RNF150: variants seen among roughly 807,000 people sequenced by gnomAD.
The protein encoded by RNF150 is ring finger protein 150.
In RNF150, 24 loss-of-function variants were observed where a neutral mutation model predicts 39.3. The observed-to-expected ratio is 0.61, with a 90% CI of 0.44 to 0.86. The LOEUF is 0.86. Among genes scored for constraint, RNF150 ranks in the 40% least tolerant of loss-of-function variants. RNF150 has a pLI of 0.00. For synonymous variants in RNF150, 255 were observed against 227.3 expected, an observed-to-expected ratio of 1.12 and a Z score of -1.10; for missense variants, 502 against 587.8, an observed-to-expected ratio of 0.85 and a Z score of 1.51.
chr4:140,873,739 T>C (rs940657403), intron 6 of RNF150, among the ~76,000 whole-genome samples: 17 of 152,206 alleles, frequency 1.1e-4, no homozygotes. Flanking sequence ...TGCAGTGGCA[T>C]GATCTCAGCT....
chr4:141,105,229 C>T (rs1473882523), intron 1 of RNF150, among the ~76,000 whole-genome samples: 1 of 152,054 alleles, frequency 6.6e-6, no homozygotes, highest in Non-Finnish European at 1.5e-5. Context: ...AAGGCTTTTT[C>T]CAAATTGGCC....
At chr4:141,180,408 T>A (rs540202262) in intron 1 of RNF150, among the ~76,000 whole-genome samples, 1 of 152,334 alleles carries the variant, frequency 6.6e-6, no homozygotes, top group South Asian at 2.1e-4. Flanking sequence ...GGTTTCATGC[T>A]ACCCCAGCTA....
chr4:141,028,884 C>G (rs543152625), intron 1 of RNF150, among the ~76,000 whole-genome samples: 3 of 152,098 alleles, frequency 2.0e-5, no homozygotes, highest in Admixed American at 6.5e-5. Flanking sequence ...ATTGAGCTTG[C>G]TTTGATACAA....
chr4:141,144,094 T>C (rs1727163171), intron 1 of RNF150, among the ~76,000 whole-genome samples: 1 of 151,314 alleles, frequency 6.6e-6, no homozygotes, highest in Non-Finnish European at 1.5e-5. Context: ...TGGCTCATAA[T>C]AAACCAAGTA....
At chr4:140,973,905 TA>T (rs1357909169) in intron 1 of RNF150, among the ~76,000 whole-genome samples, 1 of 129,752 alleles carries the variant, frequency 7.7e-6, no homozygotes, top group Admixed American at 7.7e-5. Flanking sequence ...AAAGAAGAGG[TA>T]AAAACAGTAC....
At position 140,977,142 on chromosome 4, in the gene RNF150, C is replaced by T. The variant is rs538951060; in HGVS notation, c.485-9269G>A. On this transcript the variant is annotated intron_variant, in intron 1 of 6. Transcript: ENST00000515673. ...TGGCACAGGGCTTTCCATACAGAAC[C>T]CACTAAGTAGATGTTAACTTTTATT... 3.3e-5 allele frequency among the ~76,000 whole-genome samples: 5 copies of T among 152,232 alleles called. No homozygotes were observed. In the South Asian group the frequency reaches 1.0e-3, roughly 32 times the overall value.
At chr4:141,024,469 A>G (rs1735615935) in intron 1 of RNF150, among the ~76,000 whole-genome samples, 1 of 152,194 alleles carries the variant, frequency 6.6e-6, no homozygotes, top group South Asian at 2.1e-4. Flanking sequence ...AAGTACAAAC[A>G]TCTCAGGGGG....
chr4:140,951,904 A>G (rs1041422551), intron 2 of RNF150, among the ~76,000 whole-genome samples: 2 of 151,784 alleles, frequency 1.3e-5, no homozygotes, highest in African/African-American at 4.9e-5. Context: ...ATAATATTGC[A>G]CCTAATTCAA....
intron 5 of RNF150, among the ~76,000 whole-genome samples, chr4:140,918,484 GGAA>G (rs2111296506): frequency 6.6e-6 from 1 of 152,276 alleles, no homozygotes; most frequent in African/African-American, 2.4e-5. Flanking sequence ...GACTAAACCA[GGAA>G]GAAGTTGAAT....
chr4:141,136,770 A>C (rs553752312), upstream of RNF150, among the ~76,000 whole-genome samples: 2 of 152,344 alleles, frequency 1.3e-5, no homozygotes, highest in East Asian at 3.9e-4. Context: ...TTGGAAAAAA[A>C]CAGAAATTTC....
At chr4:141,199,999 C>A (rs1030953454) in intron 1 of RNF150, among the ~76,000 whole-genome samples, 2 of 151,956 alleles carry the variant, frequency 1.3e-5, no homozygotes, top group Admixed American at 6.6e-5. Flanking sequence ...AGTGCTAAAT[C>A]CAGGTTGACC....
chr4:140,936,266 A>C (rs1251351623), intron 4 of RNF150, among the ~76,000 whole-genome samples: 1 of 152,198 alleles, frequency 6.6e-6, no homozygotes. Context: ...CTTTCTGTTA[A>C]TATATGCATT....
chr4:141,106,271 C>A (rs1392840693), intron 1 of RNF150, among the ~76,000 whole-genome samples: 2 of 152,154 alleles, frequency 1.3e-5, no homozygotes, highest in African/African-American at 4.8e-5. Flanking sequence ...TTGATTATAA[C>A]CTTATTGAAG....
intron 1 of RNF150, among the ~76,000 whole-genome samples, chr4:141,162,506 A>G (rs1160325157): frequency 1.3e-5 from 2 of 151,712 alleles, no homozygotes; most frequent in Non-Finnish European, 2.9e-5. Context: ...TTTGTGGGGG[A>G]CCTCTGGCAA....
At chr4:141,200,952 C>T (rs1026985384) in intron 1 of RNF150, among the ~76,000 whole-genome samples, 2 of 152,060 alleles carry the variant, frequency 1.3e-5, no homozygotes, top group African/African-American at 2.4e-5. Flanking sequence ...AGTTAGGACT[C>T]CTTTGGTTGC....
chr4:140,996,595 T>A (rs956589281), intron 1 of RNF150, among the ~76,000 whole-genome samples: 14 of 152,318 alleles, frequency 9.2e-5, no homozygotes, highest in Admixed American at 1.3e-4. Flanking sequence ...GACAAGAGAA[T>A]AAAATATAGA....
At chr4:141,048,301 AC>A in intron 1 of RNF150, among the ~76,000 whole-genome samples, 1 of 152,348 alleles carries the variant, frequency 6.6e-6, no homozygotes, top group African/African-American at 2.4e-5. Context: ...TGCTGTAAAG[AC>A]AATGAAATGA....
chr4:140,884,265 A>G (rs950375677), intron 6 of RNF150, among the ~76,000 whole-genome samples: 2 of 152,156 alleles, frequency 1.3e-5, no homozygotes, highest in Non-Finnish European at 2.9e-5. Context: ...GAAACGATTT[A>G]TCTGATAATT....
intron 1 of RNF150, among the ~76,000 whole-genome samples, chr4:141,150,973 G>A (rs960468550): frequency 6.6e-6 from 1 of 151,890 alleles, no homozygotes; most frequent in Non-Finnish European, 1.5e-5. Context: ...TGTCACCCAG[G>A]GAGGCTGGAG....
Sources: gnomAD v4.1 joint callset for allele counts (sites outside exome capture counted in the v4.1 genomes callset) on GRCh38, gnomAD v4.1.1 for gene constraint, MANE v1.5 for transcripts, NCBI Gene and HGNC (gene_info 2026-07-23, HGNC 2026-07-21) for gene names.